FHIT: variants seen among roughly 807,000 people sequenced by gnomAD.
FHIT encodes the protein bis(5'-adenosyl)-triphosphatase.
FHIT carries 19 observed loss-of-function variants against 17.9 expected under a neutral mutation model. The observed-to-expected ratio is 1.06, with a 90% confidence interval of 0.74 to 1.56. The LOEUF (loss-of-function observed/expected upper bound fraction) is 1.56. Among genes scored for constraint, FHIT ranks in the 40% most tolerant of loss-of-function variants. The pLI, the probability that FHIT is intolerant of heterozygous loss-of-function variation, is 0.00. For missense variants in FHIT, 248 were observed against 189.2 expected (o/e 1.31, Z -1.82); for synonymous variants, 81 against 69.7 (o/e 1.16, Z -0.81).
intron 5 of FHIT, among the ~76,000 whole-genome samples, chr3:60,517,383 C>A (rs2035199173): frequency 1.3e-5 from 2 of 152,056 alleles, no homozygotes; most frequent in Admixed American, 1.3e-4. Flanking sequence ...ACATTTTATT[C>A]CCTCCATCAA....
At chr3:60,045,476 G>A (rs115726157) in intron 5 of FHIT, among the ~76,000 whole-genome samples, 1,675 of 152,066 alleles carry the variant, frequency 0.011, 24 homozygotes, top group African/African-American at 0.039. Flanking sequence ...GAACAGCTTG[G>A]GAAAGACCTG....
chr3:59,930,734 G>C (rs1013227572), intron 7 of FHIT, among the ~76,000 whole-genome samples: 1 of 152,174 alleles, frequency 6.6e-6, no homozygotes, highest in Non-Finnish European at 1.5e-5. Context: ...AACGTTGGGG[G>C]GTGGTAAGAG....
intron 8 of FHIT, among the ~76,000 whole-genome samples, chr3:59,818,951 C>G (rs1430236582): frequency 6.6e-6 from 1 of 152,182 alleles, no homozygotes; most frequent in Admixed American, 6.5e-5. Flanking sequence ...AATGACTACT[C>G]TGTGTCAGAG....
At chr3:59,983,745 C>T (rs1290537121) in intron 7 of FHIT, among the ~76,000 whole-genome samples, 1 of 152,068 alleles carries the variant, frequency 6.6e-6, no homozygotes, top group East Asian at 1.9e-4. Context: ...AAGCTCCCAA[C>T]CTAGTAATCA....
chr3:60,817,496 T>C (rs1387131663), intron 4 of FHIT, among the ~76,000 whole-genome samples: 2 of 152,016 alleles, frequency 1.3e-5, no homozygotes, highest in Non-Finnish European at 2.9e-5. Flanking sequence ...TTGCTACACA[T>C]AGAATTCTGG....
chr3:60,650,353 C>T lies in FHIT; in HGVS notation c.-17-113374G>A, dbSNP rs753922849. Reference sequence around the variant, plus strand: ...ACCTAAGAGGACCTTAGAGATCACCCCATTCAGCATCCTCATTTTTCACAA... The same window carrying T: ...ACCTAAGAGGACCTTAGAGATCACCTCATTCAGCATCCTCATTTTTCACAA... On this transcript the variant is annotated intron_variant, in intron 4 of 9. Coordinates refer to ENST00000492590, the MANE Select transcript of FHIT (RefSeq NM_002012.4). Among the ~76,000 whole-genome samples, 17 of 152,148 alleles carry T rather than the reference C, an allele frequency of 1.1e-4. 1 individual carries two copies. The highest frequency in any genetic ancestry group is 1.6e-4 in the Non-Finnish European group (11 of 68,010).
intron 5 of FHIT, among the ~76,000 whole-genome samples, chr3:60,215,262 C>A (rs1474959798): frequency 6.6e-6 from 1 of 152,100 alleles, no homozygotes; most frequent in Non-Finnish European, 1.5e-5. Flanking sequence ...GAGGCCAAGG[C>A]AAGTGGATCA....
intron 5 of FHIT, among the ~76,000 whole-genome samples, chr3:60,241,010 A>G (rs1477988100): frequency 6.6e-6 from 1 of 152,206 alleles, no homozygotes; most frequent in Non-Finnish European, 1.5e-5. Flanking sequence ...GTAAGAATTT[A>G]AAAGTAAATA....
At chr3:60,861,810 T>A (rs930751224) in intron 3 of FHIT, among the ~76,000 whole-genome samples, 14 of 151,914 alleles carry the variant, frequency 9.2e-5, no homozygotes, top group Non-Finnish European at 4.4e-5. Flanking sequence ...AATCCTTTTT[T>A]AAAAAAGCTA....
chr3:60,370,161 C>T (rs1168313583), intron 5 of FHIT, among the ~76,000 whole-genome samples: 1 of 151,990 alleles, frequency 6.6e-6, no homozygotes, highest in African/African-American at 2.4e-5. Flanking sequence ...CTTACGTCAC[C>T]TGTGTTAAGT....
At chr3:60,084,937 C>T (rs1703435394) in intron 5 of FHIT, among the ~76,000 whole-genome samples, 1 of 152,044 alleles carries the variant, frequency 6.6e-6, no homozygotes, top group Non-Finnish European at 1.5e-5. Context: ...TTATCATTCT[C>T]CCTAGAGGCC....
intron 5 of FHIT, among the ~76,000 whole-genome samples, chr3:60,407,825 C>T (rs9812396): frequency 0.025 from 3,758 of 152,236 alleles, 60 homozygotes; most frequent in African/African-American, 0.044. Context: ...CCCAAATGTA[C>T]ATATTTATGT....
At chr3:59,767,866 C>T (rs370644434) in intron 8 of FHIT, among the ~76,000 whole-genome samples, 1 of 152,134 alleles carries the variant, frequency 6.6e-6, no homozygotes, top group East Asian at 1.9e-4. Flanking sequence ...ATTCCCCCTC[C>T]TCATATAACA....
intron 8 of FHIT, among the ~76,000 whole-genome samples, chr3:59,770,612 G>A (rs1036025439): frequency 1.3e-5 from 2 of 152,130 alleles, no homozygotes; most frequent in African/African-American, 4.8e-5. Context: ...CCTTCACCTC[G>A]GGCTTGTAGT....
chr3:60,320,158 T>A (rs1266590358), intron 5 of FHIT, among the ~76,000 whole-genome samples: 3 of 152,216 alleles, frequency 2.0e-5, no homozygotes, highest in Non-Finnish European at 4.4e-5. Flanking sequence ...TCCAAGTACG[T>A]TGACACTCTT....
intron 8 of FHIT, among the ~76,000 whole-genome samples, chr3:59,862,319 C>T (rs145323734): frequency 5.0e-4 from 76 of 152,242 alleles, no homozygotes; most frequent in Admixed American, 1.0e-3. Flanking sequence ...AAGAACAGCA[C>T]GGGAAAAACC....
intron 8 of FHIT, among the ~76,000 whole-genome samples, chr3:59,906,376 C>G (rs1325291876): frequency 1.3e-5 from 2 of 152,150 alleles, no homozygotes; most frequent in East Asian, 1.9e-4. Context: ...TTTAAGCTAT[C>G]TGTGTAAATA....
intron 5 of FHIT, among the ~76,000 whole-genome samples, chr3:60,268,414 G>C (rs943693787): frequency 6.6e-6 from 1 of 152,150 alleles, no homozygotes; most frequent in Admixed American, 6.6e-5. Context: ...GTTTATGGCT[G>C]TATATCCTAA....
At chr3:61,189,395 G>T (rs59883301) in intron 2 of FHIT, among the ~76,000 whole-genome samples, 1 of 151,920 alleles carries the variant, frequency 6.6e-6, no homozygotes, top group Non-Finnish European at 1.5e-5. Context: ...AGGACCTCTT[G>T]AAGGAGAACT....
Sources: gnomAD v4.1 joint callset for allele counts (sites outside exome capture counted in the v4.1 genomes callset) on GRCh38, gnomAD v4.1.1 for gene constraint, MANE v1.5 for transcripts, NCBI Gene and HGNC (gene_info 2026-07-23, HGNC 2026-07-21) for gene names.